FBXL3: variants seen among roughly 807,000 people sequenced by gnomAD.
FBXL3 encodes the protein F-box/LRR-repeat protein 3.
A neutral mutation model predicts 37.9 loss-of-function variants in FBXL3; 14 were observed. The observed-to-expected ratio is 0.37, with a 90% CI of 0.24 to 0.58. The LOEUF (loss-of-function observed/expected upper bound fraction) is 0.58. Among genes scored for constraint, FBXL3 ranks in the 20% least tolerant of loss-of-function variants. The pLI, the probability that FBXL3 is intolerant of heterozygous loss-of-function variation, is 0.74. For missense variants in FBXL3, 327 were observed against 511.1 expected, an observed-to-expected ratio of 0.64 and a Z score of 3.47; for synonymous variants, 194 against 180.1, an observed-to-expected ratio of 1.08 and a Z score of -0.62.
At chr13:77,026,441 G>C in intron 1 of FBXL3, 2 of 902,072 alleles carry the variant, frequency 2.2e-6, no homozygotes, top group Non-Finnish European at 2.7e-6. Flanking sequence ...CAGCACGGGC[G>C]TAGCCGACGC....
In FBXL3 at chr13:77,021,919, C is replaced by T. The variant is rs532885412; in HGVS notation, c.-1-58G>A. ...CTCAACTTTTGAATAGAAATAAACTCAAAATTCATTCTTCTGTCACTGAGA... is the reference window on the plus strand; with the variant it reads ...CTCAACTTTTGAATAGAAATAAACTTAAAATTCATTCTTCTGTCACTGAGA... On this transcript the variant is annotated intron_variant, in intron 1 of 4. Transcript: ENST00000355619. 4.4e-6 allele frequency: 6 copies of T among 1,349,798 alleles called. No homozygotes were observed. In the East Asian group the frequency reaches 1.4e-4, roughly 31 times the overall value. 83.6% of individuals were successfully genotyped at this position (1,349,798 alleles called of 1,614,324 possible). A position where few individuals can be genotyped will look rare whatever the true frequency, so the allele number is the denominator to read the frequency against.
intron 1 of FBXL3, among the ~76,000 whole-genome samples, chr13:77,023,123 G>GATTC (rs1191292348): frequency 6.6e-6 from 1 of 152,092 alleles, no homozygotes; most frequent in East Asian, 1.9e-4. Context: ...GGCAGAGAAT[G>GATTC]ATTCATTCAT....
At chr13:77,026,007 T>C (rs1426929457) in intron 1 of FBXL3, among the ~76,000 whole-genome samples, 2 of 151,354 alleles carry the variant, frequency 1.3e-5, no homozygotes, top group African/African-American at 2.4e-5. Context: ...GTCATATAGA[T>C]AGATAGATAA....
rs2034450036 is a variant in FBXL3, at chr13:77,006,235, T to A, written c.*910A>T. The A allele has an allele frequency of 6.6e-6, 1 of 152,310 alleles. No homozygotes were observed. The highest frequency in any genetic ancestry group is 2.4e-5 in the African/African-American group (1 of 41,476). The allele number at this position is 152,310 out of a possible 1,614,324, so 9.4% of individuals were successfully genotyped here. On this transcript the variant is annotated 3_prime_UTR_variant, in exon 5 of 5. Coordinates refer to ENST00000355619, the MANE Select transcript of FBXL3 (RefSeq NM_012158.4). ...TTTACTGGAAACTAATATTCTTTCA[T>A]GGAAACAACTGATAAACATTTTAAA...
intron 1 of FBXL3, among the ~76,000 whole-genome samples, chr13:77,023,345 A>AGAGTGTGTGTGTGTGT (rs199568005): frequency 1.4e-5 from 2 of 147,504 alleles, no homozygotes; most frequent in African/African-American, 5.0e-5. Context: ...AGAGAGAGAG[A>AGAGTGTGTGTGTGTGT]GTGTGTGTGT....
intron 1 of FBXL3, among the ~76,000 whole-genome samples, chr13:77,025,118 A>C (rs2034813096): frequency 6.6e-6 from 1 of 152,234 alleles, no homozygotes; most frequent in South Asian, 2.1e-4. Flanking sequence ...AATGGACCCT[A>C]TAATTCCTAC....
chr13:77,011,052 C>T (rs2034541998), intron 4 of FBXL3: 1 of 152,120 alleles, frequency 6.6e-6, no homozygotes, highest in African/African-American at 2.4e-5. Context: ...AGAAAATAGG[C>T]AAAGGGGCTG....
Position 77,007,467 on chromosome 13 carries a change from T to C in FBXL3, c.965A>G (p.Asp322Gly). The change falls in exon 5 of 5, where the codon GAT (aspartate) becomes GGT (glycine). Residue 322 changes from aspartate to glycine, a missense_variant. By Grantham distance (94) the Asp-to-Gly change is moderately conservative. Transcript: ENST00000355619. Reference protein sequence around the residue: ...HLYFGRSVSKDVLGRVGMTCP... With the variant: ...HLYFGRSVSKGVLGRVGMTCP... Reference sequence around the variant, plus strand: ...TGTCATTCCCACACGGCCAAGCACATCTTTGCTTACTGATCTCCCAAAGTA... The same window carrying C: ...TGTCATTCCCACACGGCCAAGCACACCTTTGCTTACTGATCTCCCAAAGTA... 2 of 1,614,182 alleles carry C rather than the reference T, an allele frequency of 1.2e-6. No homozygotes were observed. The highest frequency in any genetic ancestry group is 1.7e-6 in the Non-Finnish European group (2 of 1,180,036).
rs777828187 is a variant in FBXL3, at chr13:77,007,245, A to T, written c.1187T>A (p.Val396Glu). 1 of 1,614,128 alleles carries T rather than the reference A, an allele frequency of 6.2e-7. No individual in the cohort carries two copies. Among genetic ancestry groups the T allele is most frequent in the Non-Finnish European group, 8.5e-7 (1 of 1,180,030 alleles). The change falls in exon 5 of 5, where the codon GTA (valine) becomes GAA (glutamate). Residue 396 changes from valine to glutamate, a missense_variant. Transcript: ENST00000355619. ...ACTATACTTTTGGTCAGGAATTAGT[A>T]CTTCTTCCATAATGGATAATTGAGA... Reference protein sequence around the residue: ...RLSQLSIMEEVLIPDQKYSLE... With the variant: ...RLSQLSIMEEELIPDQKYSLE...
rs548486643 is a variant in FBXL3 at position 77,026,992 on chromosome 13, G to C, written c.-167C>G. On this transcript the variant is annotated 5_prime_UTR_variant, in exon 1 of 5. Transcript: ENST00000355619. The stretch of plus-strand genomic sequence containing the variant: ...GCATCCGAGGCGCTGGTCCCGCGGA[G>C]GGCGCCAACGCGGCTCCACCTTTGC... 6.6e-6 allele frequency: 1 copy of C among 152,012 alleles called. No individual in the cohort carries two copies. The highest frequency in any genetic ancestry group is 1.5e-5 in the Non-Finnish European group (1 of 67,992). The allele number at this position is 152,012 out of a possible 1,614,324, so 9.4% of individuals were successfully genotyped here. A position where few individuals can be genotyped will look rare whatever the true frequency, so the allele number is the denominator to read the frequency against.
chr13:77,014,399 A>G (rs768087814), intron 4 of FBXL3: 3 of 152,276 alleles, frequency 2.0e-5, no homozygotes, highest in South Asian at 2.1e-4. Flanking sequence ...TCAAGGTCAT[A>G]TAAGAACTAA....
chr13:77,016,129 T>C (rs542740002), intron 3 of FBXL3: 22 of 152,342 alleles, frequency 1.4e-4, no homozygotes, highest in African/African-American at 5.3e-4. Flanking sequence ...CCTTCAAATG[T>C]TATCTACAAT....
At chr13:77,023,946 A>G (rs2034793752) in intron 1 of FBXL3, among the ~76,000 whole-genome samples, 1 of 152,252 alleles carries the variant, frequency 6.6e-6, no homozygotes, top group Non-Finnish European at 1.5e-5. Flanking sequence ...ACGTCTTAGC[A>G]TATGTGCAAT....
intron 4 of FBXL3, among the ~76,000 whole-genome samples, chr13:77,011,718 G>C (rs1452731493): frequency 9.0e-6 from 1 of 110,930 alleles, no homozygotes; most frequent in Non-Finnish European, 1.9e-5. Context: ...GTGAGACCCT[G>C]TCTCAAAAAA....
chr13:77,019,058 T>C (rs2034695995), intron 2 of FBXL3: 1 of 178,104 alleles, frequency 5.6e-6, no homozygotes, highest in East Asian at 1.4e-4. Context: ...CTGTATAAAC[T>C]AATGGAGTAA....
At chr13:77,022,213 T>C (rs2034757429) in intron 1 of FBXL3, among the ~76,000 whole-genome samples, 1 of 152,218 alleles carries the variant, frequency 6.6e-6, no homozygotes, top group African/African-American at 2.4e-5. Flanking sequence ...AAAGGGAACC[T>C]ACAGCGATAC....
chr13:77,024,037 A>C (rs1342445679), intron 1 of FBXL3, among the ~76,000 whole-genome samples: 1 of 152,242 alleles, frequency 6.6e-6, no homozygotes, highest in Non-Finnish European at 1.5e-5. Flanking sequence ...CAGGGAGAGA[A>C]CAAGAGAGAA....
At chr13:77,026,459 G>A (rs777848603) in intron 1 of FBXL3, 30 of 791,532 alleles carry the variant, frequency 3.8e-5, no homozygotes, top group Non-Finnish European at 4.3e-5. Flanking sequence ...CGCCGGGAGA[G>A]CCCACAGAGT....
chr13:77,007,229 T>C lies in FBXL3; in HGVS notation c.1203A>G (p.Gln401=). 1 of 1,614,068 alleles carries C rather than the reference T, an allele frequency of 6.2e-7. No individual in the cohort carries two copies. The highest frequency in any genetic ancestry group is 1.1e-5 in the South Asian group (1 of 91,076). The change falls in exon 5 of 5, where the codon CAA becomes CAG. Residue 401 remains glutamine, a synonymous_variant. Coordinates refer to ENST00000355619, the MANE Select transcript of FBXL3 (RefSeq NM_012158.4). ...AGTGAATCTGCTCCAAACTATACTT[T>C]TGGTCAGGAATTAGTACTTCTTCCA... The part of the protein sequence containing the change: ...SIMEEVLIPD[Q]KYSLEQIHWE...
Sources: gnomAD v4.1 joint callset for allele counts (sites outside exome capture counted in the v4.1 genomes callset) on GRCh38, gnomAD v4.1.1 for gene constraint, MANE v1.5 for transcripts, NCBI Gene and HGNC (gene_info 2026-07-23, HGNC 2026-07-21) for gene names.